Variants in ZBTB43 observed in about 807,000 individuals in gnomAD.
The protein encoded by ZBTB43 is zinc finger and BTB domain containing 43, also known as zinc finger and BTB domain-containing protein 43.
ZBTB43 carries 6 observed loss-of-function variants against 31.1 expected under a neutral mutation model. The observed-to-expected ratio is 0.19, with a 90% CI of 0.11 to 0.38. ZBTB43 has a LOEUF of 0.38. Ranked by LOEUF, ZBTB43 falls within the 10% of genes least tolerant of loss-of-function variation. The pLI is 1.00. For missense variants in ZBTB43, 379 were observed against 602.1 expected (o/e 0.63, Z 3.88); for synonymous variants, 212 against 221.7 (o/e 0.96, Z 0.39).
At chr9:126,816,349 T>C (rs776134392) in intron 2 of ZBTB43, among the ~76,000 whole-genome samples, 18 of 152,248 alleles carry the variant, frequency 1.2e-4, no homozygotes, top group Non-Finnish European at 2.5e-4. Context: ...ATTAGTTTCC[T>C]GATACCCTAT....
chr9:126,809,558 A>T (rs1158614539), intron 2 of ZBTB43, among the ~76,000 whole-genome samples: 1 of 152,110 alleles, frequency 6.6e-6, no homozygotes, highest in Non-Finnish European at 1.5e-5. Flanking sequence ...TGTTTTTAGG[A>T]TGTTTAATAG....
At chr9:126,825,434 A>G (rs2032609526) in intron 2 of ZBTB43, among the ~76,000 whole-genome samples, 1 of 152,198 alleles carries the variant, frequency 6.6e-6, no homozygotes, top group Admixed American at 6.5e-5. Flanking sequence ...GGTGGCTTAA[A>G]CAATGGAAAT....
intron 2 of ZBTB43, among the ~76,000 whole-genome samples, chr9:126,829,467 G>A (rs989348059): frequency 1.3e-5 from 2 of 152,192 alleles, no homozygotes; most frequent in Non-Finnish European, 2.9e-5. Flanking sequence ...CCATTAAACA[G>A]AATGAGTTAG....
intron 1 of ZBTB43, among the ~76,000 whole-genome samples, chr9:126,807,511 A>AT (rs2032152983): frequency 6.6e-6 from 1 of 152,230 alleles, no homozygotes; most frequent in Non-Finnish European, 1.5e-5. Context: ...AGTGACAGCT[A>AT]TTAAAACTGC....
chr9:126,806,598 C>G (rs1319773086), intron 1 of ZBTB43, among the ~76,000 whole-genome samples: 1 of 152,096 alleles, frequency 6.6e-6, no homozygotes, highest in African/African-American at 2.4e-5. Context: ...GAATTGGACT[C>G]TTAAAATTAC....
chr9:126,813,893 T>C (rs1383150652), intron 2 of ZBTB43, among the ~76,000 whole-genome samples: 1 of 152,178 alleles, frequency 6.6e-6, no homozygotes, highest in Non-Finnish European at 1.5e-5. Flanking sequence ...GTGTAATCCA[T>C]TGTATAGTCA....
intron 2 of ZBTB43, among the ~76,000 whole-genome samples, chr9:126,823,288 T>C (rs150212524): frequency 1.4e-4 from 21 of 152,332 alleles, no homozygotes; most frequent in African/African-American, 4.8e-4. Flanking sequence ...TTTAGAGTTA[T>C]CTTGTTAGGT....
intron 2 of ZBTB43, among the ~76,000 whole-genome samples, chr9:126,811,932 CTT>C (rs2032259447): frequency 6.6e-6 from 1 of 152,138 alleles, no homozygotes; most frequent in Non-Finnish European, 1.5e-5. Flanking sequence ...CCACATTACT[CTT>C]TTTTAAACAG....
chr9:126,812,694 G>A (rs1411340430), intron 2 of ZBTB43, among the ~76,000 whole-genome samples: 1 of 152,128 alleles, frequency 6.6e-6, no homozygotes, highest in Non-Finnish European at 1.5e-5. Context: ...ATGCTTATAG[G>A]TTATTTGTAT....
chr9:126,833,282 T>C lies in ZBTB43; in HGVS notation c.773T>C (p.Met258Thr), dbSNP rs746374838. The C allele has an allele frequency of 5.6e-6, 9 of 1,613,484 alleles. No individual in the cohort carries two copies. Among genetic ancestry groups the C allele is most frequent in the African/African-American group, 1.3e-5 (1 of 74,904 alleles). The change falls in exon 3 of 3, where the codon ATG becomes ACG. Residue 258 changes from methionine to threonine, a missense_variant. Physicochemically the swap from Met to Thr is moderately conservative, Grantham distance 81. This residue lies in a region of ZBTB43 where 253 missense variants were observed against 322.3 expected (regional missense o/e 0.79). Transcript: ENST00000373464. This position sits in a 1 kb window ranked among gnomAD's most constrained non-coding sequence, Gnocchi z 7.9. ...CGCTTAGAACAGGCTTGCGAGGGCA[T>C]GGATGTGCACGCGACCTACGACGAG... is the stretch of plus-strand genomic sequence containing the variant. ...PERLEQACEG[M>T]DVHATYDEHQ... is the part of the protein sequence containing the mutation.
chr9:126,816,388 T>G (rs761075789), intron 2 of ZBTB43, among the ~76,000 whole-genome samples: 3 of 152,240 alleles, frequency 2.0e-5, no homozygotes, highest in Non-Finnish European at 4.4e-5. Flanking sequence ...TTTTTTCATA[T>G]CATTCTACTG....
chr9:126,826,754 A>G (rs987607148), intron 2 of ZBTB43, among the ~76,000 whole-genome samples: 3 of 151,794 alleles, frequency 2.0e-5, no homozygotes, highest in Non-Finnish European at 2.9e-5. Flanking sequence ...GTGAGCCACC[A>G]CGCCCGACCT....
In ZBTB43 at chr9:126,834,001, C is replaced by A; in HGVS notation, c.*88C>A. ...GGGCACAGATGATGCGTGCTACTTG[C>A]TATTATGAGAGAAGCTTAAAAAAAA... On this transcript the variant is annotated 3_prime_UTR_variant, in exon 3 of 3. Transcript: ENST00000373464. 6 of 1,298,898 alleles carry A rather than the reference C, an allele frequency of 4.6e-6. No homozygotes were observed. Among genetic ancestry groups the A allele is most frequent in the Non-Finnish European group, 5.2e-6 (5 of 964,362 alleles). The allele number at this position is 1,298,898 out of a possible 1,614,324, so 80.5% of individuals were successfully genotyped here.
Position 126,832,987 on chromosome 9 carries a change from G to A in ZBTB43, c.478G>A (p.Gly160Arg). 1 of 1,613,788 alleles carries A rather than the reference G, an allele frequency of 6.2e-7. No homozygotes were observed. Among genetic ancestry groups the A allele is most frequent in the Non-Finnish European group, 8.5e-7 (1 of 1,180,018 alleles). ...GLVESFELGS[G>R]GHTDFPKAQE... The stretch of plus-strand genomic sequence containing the variant: ...GGTAGAGAGCTTTGAGCTGGGCTCT[G>A]GGGGTCATACTGATTTTCCCAAAGC... Residue 160 changes from glycine (G) to arginine (R), a missense_variant, in exon 3 of 3, where the codon GGG (glycine) becomes AGG (arginine). Gly to Arg is a moderately radical substitution (Grantham distance 125). Around this residue, in one of 5 missense-constraint regions of ZBTB43, gnomAD observed 253 missense variants for 322.3 expected, o/e 0.79. Transcript: ENST00000373464.
At position 126,832,517 on chromosome 9, in the gene ZBTB43, C is replaced by G; in HGVS notation, c.8C>G (p.Pro3Arg). 6.2e-7 allele frequency: 1 copy of G among 1,604,262 alleles called. No individual in the cohort carries two copies. The highest frequency in any genetic ancestry group is 1.3e-5 in the African/African-American group (1 of 74,788). The change falls in exon 3 of 3, where the codon CCT (proline) becomes CGT (arginine). Residue 3 changes from proline (P) to arginine (R), a missense_variant. Pro to Arg is a moderately radical substitution (Grantham distance 103). Coordinates refer to ENST00000373464, the MANE Select transcript of ZBTB43 (RefSeq NM_014007.4). ...AACAAGATTTGTGATGAAATGGAGC[C>G]TGGAACAAACTCTTTTCGGGTAGAA... ME[P>R]GTNSFRVEFP... is the part of the protein sequence containing the mutation.
In ZBTB43 at chr9:126,834,219, G is replaced by T; in HGVS notation, c.*306G>T. ...ACAGAGACACCTGCACTTGGAACTG[G>T]ACTCCACCCACCAGTTCCATTTTGG... On this transcript the variant is annotated 3_prime_UTR_variant, in exon 3 of 3. Coordinates refer to ENST00000373464, the MANE Select transcript of ZBTB43 (RefSeq NM_014007.4). 1 of 259,076 alleles carries T rather than the reference G, an allele frequency of 3.9e-6. No homozygotes were observed. The highest frequency in any genetic ancestry group is 7.9e-6 in the Non-Finnish European group (1 of 126,416). The allele number at this position is 259,076 out of a possible 1,614,324, so 16.0% of individuals were successfully genotyped here.
chr9:126,826,602 T>G (rs1237709020), intron 2 of ZBTB43, among the ~76,000 whole-genome samples: 1 of 151,590 alleles, frequency 6.6e-6, no homozygotes, highest in Non-Finnish European at 1.5e-5. Context: ...TAGCTGGGAC[T>G]ACAGGCGCCC....
intron 2 of ZBTB43, among the ~76,000 whole-genome samples, chr9:126,814,872 A>G (rs1316727629): frequency 6.6e-6 from 1 of 152,010 alleles, no homozygotes; most frequent in East Asian, 1.9e-4. Context: ...TTCTAAGTTG[A>G]CAGGCCTTTC....
intron 2 of ZBTB43, among the ~76,000 whole-genome samples, chr9:126,810,495 C>CTTTTT (rs1163411798): frequency 2.7e-4 from 20 of 73,334 alleles, no homozygotes; most frequent in East Asian, 4.9e-4. Context: ...GCCCAGCCGT[C>CTTTTT]TTTTTTTTTT....
Sources: allele counts gnomAD v4.1 joint callset (sites outside exome capture counted in the v4.1 genomes callset), GRCh38; gene constraint gnomAD v4.1.1; regional missense constraint gnomAD v4.1.1; non-coding constraint Gnocchi (gnomAD v3.1); transcripts MANE v1.5; gene names NCBI Gene and HGNC (gene_info 2026-07-23, HGNC 2026-07-21).